CACNA2D2: variants seen among roughly 807,000 people sequenced by gnomAD.
CACNA2D2 encodes the protein voltage-dependent calcium channel subunit alpha-2/delta-2.
Under a neutral mutation model 166.4 loss-of-function variants are expected in CACNA2D2, and 48 were observed. The observed-to-expected ratio is 0.29, with a 90% CI of 0.23 to 0.37. The LOEUF (loss-of-function observed/expected upper bound fraction) is 0.37, where lower values mean the gene tolerates loss of function less well. CACNA2D2 is among the 10% of genes least tolerant of loss of function. The pLI is 1.00. For synonymous variants in CACNA2D2, 561 were observed against 573.7 expected (o/e 0.98, Z 0.32); for missense variants, 1,122 against 1,433.0 (o/e 0.78, Z 3.50).
intron 2 of CACNA2D2, among the ~76,000 whole-genome samples, chr3:50,464,111 G>A (rs1440061145): frequency 1.3e-5 from 2 of 152,216 alleles, no homozygotes; most frequent in Non-Finnish European, 2.9e-5. Flanking sequence ...CCAGGCCATG[G>A]CTCATTGAGA....
At chr3:50,442,946 G>A (rs1260198569) in intron 2 of CACNA2D2, among the ~76,000 whole-genome samples, 1 of 152,224 alleles carries the variant, frequency 6.6e-6, no homozygotes, top group Non-Finnish European at 1.5e-5. Flanking sequence ...CACCAGCCAT[G>A]GAGACTCTCA....
intron 6 of CACNA2D2, among the ~76,000 whole-genome samples, chr3:50,383,646 CT>C (rs1438419335): frequency 6.6e-6 from 1 of 152,138 alleles, no homozygotes; most frequent in Non-Finnish European, 1.5e-5. Flanking sequence ...ATCCCCCTTC[CT>C]TATATCCCCA....
rs762889886 is a variant in CACNA2D2, at chr3:50,379,629, C to T, written c.994-39G>A. 18 of 1,612,296 alleles carry T rather than the reference C, an allele frequency of 1.1e-5. No individual in the cohort carries two copies. The highest frequency in any genetic ancestry group is 1.5e-5 in the Non-Finnish European group (18 of 1,178,980). ...AGGGTGGTGAGTGGCCTCAGGCTGG[C>T]CGGGGTAGGCAGCTATTGCATGGGG... is the stretch of plus-strand genomic sequence containing the variant. On this transcript the variant is annotated intron_variant, in intron 10 of 37. Transcript: ENST00000424201. The surrounding 1 kb of genome is among the most constrained non-coding windows in gnomAD (Gnocchi z 6.5).
chr3:50,400,822 A>C (rs1706411273), intron 3 of CACNA2D2, among the ~76,000 whole-genome samples: 1 of 152,162 alleles, frequency 6.6e-6, no homozygotes, highest in Non-Finnish European at 1.5e-5. Context: ...TTTTTTCCTT[A>C]ACAAATTTGT....
intron 3 of CACNA2D2, among the ~76,000 whole-genome samples, chr3:50,421,058 A>G (rs2106838854): frequency 6.6e-6 from 1 of 152,220 alleles, no homozygotes; most frequent in Non-Finnish European, 1.5e-5. Context: ...ACTGACCTCC[A>G]TTGGCTCTCC....
intron 3 of CACNA2D2, among the ~76,000 whole-genome samples, chr3:50,422,311 C>A (rs1270616357): frequency 6.6e-6 from 1 of 152,132 alleles, no homozygotes; most frequent in African/African-American, 2.4e-5. Context: ...TGGAGGCCGC[C>A]CTGGATTCTG....
chr3:50,459,128 T>C (rs1468848449), intron 2 of CACNA2D2, among the ~76,000 whole-genome samples: 1 of 152,234 alleles, frequency 6.6e-6, no homozygotes, highest in Non-Finnish European at 1.5e-5. Flanking sequence ...ATGACAGACA[T>C]CATATTTTGC....
At chr3:50,440,873 A>AG (rs1264283283) in intron 2 of CACNA2D2, among the ~76,000 whole-genome samples, 1 of 152,078 alleles carries the variant, frequency 6.6e-6, no homozygotes, top group Non-Finnish European at 1.5e-5. Flanking sequence ...CCAGGGTGGT[A>AG]GGGGGCAAGA....
intron 2 of CACNA2D2, among the ~76,000 whole-genome samples, chr3:50,445,912 T>A (rs559159452): frequency 6.6e-6 from 1 of 151,644 alleles, no homozygotes; most frequent in South Asian, 2.1e-4. Context: ...CCCCCTTATT[T>A]CACTTTTGGG....
chr3:50,470,783 G>A (rs975262977), intron 2 of CACNA2D2, among the ~76,000 whole-genome samples: 3 of 152,008 alleles, frequency 2.0e-5, no homozygotes, highest in South Asian at 2.1e-4. Flanking sequence ...GCCGGGTTGG[G>A]GGGGACACAG....
Position 50,378,999 on chromosome 3 carries a change from G to T in CACNA2D2, c.1261-6C>A. On this transcript the variant is annotated splice_polypyrimidine_tract_variant and splice_region_variant and intron_variant, in intron 12 of 37. Transcript: ENST00000424201. The stretch of plus-strand genomic sequence containing the variant: ...GAGAAAGTAAACACGCGCACCTGTG[G>T]GGGGTTTGAGGTTACTGCTGTGGCC... 1 of 1,613,948 alleles carries T rather than the reference G, an allele frequency of 6.2e-7. No homozygotes were observed. Among genetic ancestry groups the T allele is most frequent in the Non-Finnish European group, 8.5e-7 (1 of 1,180,038 alleles).
At chr3:50,428,293 C>T (rs1559937948) in intron 3 of CACNA2D2, among the ~76,000 whole-genome samples, 3 of 152,110 alleles carry the variant, frequency 2.0e-5, no homozygotes, top group Non-Finnish European at 4.4e-5. Context: ...TCAGCAGTGC[C>T]GAGGCTGACG....
chr3:50,459,606 G>A (rs1302782272), intron 2 of CACNA2D2, among the ~76,000 whole-genome samples: 3 of 152,196 alleles, frequency 2.0e-5, no homozygotes, highest in Non-Finnish European at 4.4e-5. Context: ...GGGCCCTGAG[G>A]CCTCCAGCAC....
rs1421851564 is a variant in CACNA2D2 at position 50,364,651 on chromosome 3, G to A, written c.*15C>T. 6 of 1,504,294 alleles carry A rather than the reference G, an allele frequency of 4.0e-6. No individual in the cohort carries two copies. The highest frequency in any genetic ancestry group is 2.5e-5 in the South Asian group (2 of 78,774). The allele number at this position is 1,504,294 out of a possible 1,614,324, so 93.2% of individuals were successfully genotyped here. On this transcript the variant is annotated 3_prime_UTR_variant, in exon 38 of 38. Coordinates refer to ENST00000424201, the MANE Select transcript of CACNA2D2 (RefSeq NM_006030.4). ...CCGGGTGAGGTGGGAGTGGAGGTGGGGTGGGGCAGGGTGCTCAGAGGCGGC... is the reference window on the plus strand; with the variant it reads ...CCGGGTGAGGTGGGAGTGGAGGTGGAGTGGGGCAGGGTGCTCAGAGGCGGC...
Position 50,366,688 on chromosome 3 carries a change from C to T in CACNA2D2, c.2590-63G>A. 6.2e-7 allele frequency: 1 copy of T among 1,601,296 alleles called. No homozygotes were observed. Among genetic ancestry groups the T allele is most frequent in the Non-Finnish European group, 8.6e-7 (1 of 1,169,162 alleles). On this transcript the variant is annotated intron_variant, in intron 29 of 37. Transcript: ENST00000424201. The surrounding 1 kb of genome is among the most constrained non-coding windows in gnomAD (Gnocchi z 5.9). Reference sequence around the variant, plus strand: ...AGTTTTCCTCCCTCCCATCACCTTTCATACATCCGGTTCCCCAGGCCATCT... The same window carrying T: ...AGTTTTCCTCCCTCCCATCACCTTTTATACATCCGGTTCCCCAGGCCATCT...
intron 3 of CACNA2D2, among the ~76,000 whole-genome samples, chr3:50,425,519 C>A (rs546105324): frequency 4.6e-5 from 7 of 152,184 alleles, no homozygotes; most frequent in Non-Finnish European, 1.0e-4. Flanking sequence ...TCCTGGCCAC[C>A]GGCTCGCCCT....
chr3:50,481,228 G>C (rs1055361594), intron 1 of CACNA2D2, among the ~76,000 whole-genome samples: 8 of 152,244 alleles, frequency 5.3e-5, no homozygotes, highest in African/African-American at 1.9e-4. Context: ...GAGGGGCTCT[G>C]TTCAAGAGCA....
intron 2 of CACNA2D2, 81 bp downstream of exon 2, chr3:50,476,037 T>TC: frequency 7.9e-7 from 1 of 1,270,328 alleles, no homozygotes; most frequent in Non-Finnish European, 1.1e-6. Flanking sequence ...AACCAAATCT[T>TC]CCTCACTCCT....
intron 2 of CACNA2D2, 29 bp from the exon 3 acceptor site, chr3:50,434,458 AC>A: frequency 6.4e-7 from 1 of 1,562,940 alleles, no homozygotes; most frequent in South Asian, 1.1e-5. Flanking sequence ...CAGGGGTGAG[AC>A]CAGGTGGTCC....
Sources: gnomAD v4.1 joint callset for allele counts (sites outside exome capture counted in the v4.1 genomes callset) on GRCh38, gnomAD v4.1.1 for gene constraint, Gnocchi (gnomAD v3.1) non-coding constraint, MANE v1.5 for transcripts, NCBI Gene and HGNC (gene_info 2026-07-23, HGNC 2026-07-21) for gene names.